Variants in COL28A1 observed in about 807,000 individuals in gnomAD.
COL28A1 encodes the protein collagen type XXVIII alpha 1 chain, also known as collagen alpha-1(XXVIII) chain.
COL28A1 carries 161 observed loss-of-function variants against 150.2 expected under a neutral mutation model. The ratio of observed to expected loss-of-function variants is 1.07; its 90% CI spans 0.94 to 1.22. COL28A1 has a LOEUF of 1.22. Among genes scored for constraint, COL28A1 ranks in the 50% most tolerant of loss-of-function variants. The pLI is 0.00. For missense variants in COL28A1, 1,617 were observed against 1,388.3 expected (o/e 1.16, Z -2.62); for synonymous variants, 552 against 469.7 (o/e 1.18, Z -2.26).
intron 27 of COL28A1, among the ~76,000 whole-genome samples, chr7:7,409,984 G>C (rs892603966): frequency 6.6e-6 from 1 of 152,162 alleles, no homozygotes; most frequent in Admixed American, 6.5e-5. Context: ...TAAGGAGATT[G>C]AAAGAGGAAA....
chr7:7,458,680 A>C (rs960215283), intron 15 of COL28A1, among the ~76,000 whole-genome samples: 55 of 152,156 alleles, frequency 3.6e-4, no homozygotes, highest in African/African-American at 1.3e-3. Context: ...TATTGTGCTT[A>C]ATGCTTTACA....
At chr7:7,537,608 G>C (rs1348330886), upstream of COL28A1, among the ~76,000 whole-genome samples, 3 of 152,212 alleles carry the variant, frequency 2.0e-5, no homozygotes, top group Non-Finnish European at 4.4e-5. Flanking sequence ...AGACCTGTGA[G>C]CCTCACTTAT....
intron 33 of COL28A1, among the ~76,000 whole-genome samples, chr7:7,360,863 G>A (rs1174203522): frequency 6.6e-6 from 1 of 152,194 alleles, no homozygotes; most frequent in African/African-American, 2.4e-5. Flanking sequence ...GCAAAGTTGA[G>A]AGGAGTTTAT....
At chr7:7,383,036 T>C (rs923937560) in intron 27 of COL28A1, among the ~76,000 whole-genome samples, 3 of 152,238 alleles carry the variant, frequency 2.0e-5, no homozygotes, top group South Asian at 2.1e-4. Flanking sequence ...TAAATTGTTA[T>C]AATGAAATAT....
In COL28A1 at chr7:7,474,635, T is replaced by G; in HGVS notation, c.1268A>C (p.Gln423Pro). ...EKGSEGPTGP[Q>P]GLQGLSIKGE... ...TTTGATTGACAGGCCTTGTAATCCCTGTGGGCCAGTTGGTCCTTCAGAACC... is the reference window on the plus strand; with the variant it reads ...TTTGATTGACAGGCCTTGTAATCCCGGTGGGCCAGTTGGTCCTTCAGAACC... Residue 423 changes from glutamine (Q) to proline (P), a missense_variant, in exon 15 of 35, where the codon CAG becomes CCG. Transcript: ENST00000399429. 7.0e-7 allele frequency: 1 copy of G among 1,432,916 alleles called. No homozygotes were observed. Among genetic ancestry groups the G allele is most frequent in the Non-Finnish European group, 9.9e-7 (1 of 1,015,036 alleles). The allele number at this position is 1,432,916 out of a possible 1,614,324, so 88.8% of individuals were successfully genotyped here. A position where few individuals can be genotyped will look rare whatever the true frequency, so the allele number is the denominator to read the frequency against.
At chr7:7,423,013 A>C (rs1444601772) in intron 25 of COL28A1, among the ~76,000 whole-genome samples, 1 of 152,260 alleles carries the variant, frequency 6.6e-6, no homozygotes, top group East Asian at 1.9e-4. Flanking sequence ...CAATCCAAAC[A>C]AACCAATTGC....
At chr7:7,391,407 A>T (rs1307136705) in intron 27 of COL28A1, among the ~76,000 whole-genome samples, 4 of 152,142 alleles carry the variant, frequency 2.6e-5, no homozygotes. Context: ...TTATGTGCTC[A>T]ATTTTAGAAT....
At chr7:7,441,523 C>CG (rs1554273433) in intron 20 of COL28A1, among the ~76,000 whole-genome samples, 2 of 87,888 alleles carry the variant, frequency 2.3e-5, no homozygotes, top group African/African-American at 4.2e-5. Flanking sequence ...GCTCAACAAA[C>CG]GAAAAAAAAA....
chr7:7,397,361 C>G (rs974042340), intron 27 of COL28A1, among the ~76,000 whole-genome samples: 1 of 152,106 alleles, frequency 6.6e-6, no homozygotes, highest in Non-Finnish European at 1.5e-5. Context: ...CAAGGCCCAC[C>G]CAGATAATCC....
chr7:7,459,768 C>T (rs944617409), intron 15 of COL28A1, among the ~76,000 whole-genome samples: 29 of 152,202 alleles, frequency 1.9e-4, no homozygotes, highest in African/African-American at 7.0e-4. Flanking sequence ...TGACCTGACC[C>T]TGGCAAGTAG....
chr7:7,510,274 T>TATTG (rs112747472), intron 9 of COL28A1, among the ~76,000 whole-genome samples: 5,534 of 152,026 alleles, frequency 0.036, 291 homozygotes, highest in African/African-American at 0.12. Flanking sequence ...GTGCTTTCAT[T>TATTG]ATTGATTGAT....
rs1420134215 is a variant in COL28A1, at chr7:7,397,687, G to A, written c.2137-16075C>T. Among the ~76,000 whole-genome samples the A allele has an allele frequency of 4.6e-5, 7 of 152,244 alleles. 1 individual carries two copies. The South Asian group carries it at 1.5e-3, about 32-fold the overall frequency. ...CGTGAGCTTCAACTATTGCTATCTG[G>A]ATTTGCTCCATAGGGATAAGTAAAA... On this transcript the variant is annotated intron_variant, in intron 27 of 34. Coordinates refer to ENST00000399429, the MANE Select transcript of COL28A1 (RefSeq NM_001037763.3).
intron 27 of COL28A1, among the ~76,000 whole-genome samples, chr7:7,382,047 T>C (rs1324460659): frequency 6.6e-6 from 1 of 152,204 alleles, no homozygotes; most frequent in Non-Finnish European, 1.5e-5. Context: ...CGGTGGCTCA[T>C]GCCTGTAATC....
chr7:7,489,514 A>C (rs931234599), intron 12 of COL28A1, 57 bp from the exon 13 acceptor site: 7 of 873,796 alleles, frequency 8.0e-6, no homozygotes, highest in Non-Finnish European at 1.4e-5. Flanking sequence ...GAATAAACAT[A>C]GCGCAAAGTT....
intron 21 of COL28A1, among the ~76,000 whole-genome samples, chr7:7,438,061 C>G (rs1785474662): frequency 6.6e-6 from 1 of 151,708 alleles, no homozygotes; most frequent in African/African-American, 2.4e-5. Flanking sequence ...ATGGCAAAAC[C>G]CCATCGCTAC....
At chr7:7,377,817 A>AG (rs1554261390) in intron 30 of COL28A1, among the ~76,000 whole-genome samples, 1 of 151,308 alleles carries the variant, frequency 6.6e-6, no homozygotes, top group South Asian at 2.1e-4. Flanking sequence ...CAAAAAAAAA[A>AG]AAAAAACCAG....
At chr7:7,454,365 T>C (rs917417553) in intron 16 of COL28A1, among the ~76,000 whole-genome samples, 1 of 152,200 alleles carries the variant, frequency 6.6e-6, no homozygotes, top group East Asian at 1.9e-4. Flanking sequence ...AGAGGTTAAA[T>C]TTAAGTAGAA....
intron 27 of COL28A1, among the ~76,000 whole-genome samples, chr7:7,388,128 C>T (rs781297644): frequency 2.0e-5 from 3 of 151,984 alleles, no homozygotes; most frequent in Non-Finnish European, 2.9e-5. Context: ...CCATCATCTA[C>T]GTTAGACATT....
chr7:7,462,818 G>A (rs961651118), intron 15 of COL28A1, among the ~76,000 whole-genome samples: 4 of 149,868 alleles, frequency 2.7e-5, no homozygotes, highest in Admixed American at 6.7e-5. Context: ...CTAAGATCAC[G>A]CCATTGCACT....
Sources: allele counts gnomAD v4.1 joint callset (sites outside exome capture counted in the v4.1 genomes callset), GRCh38; gene constraint gnomAD v4.1.1; transcripts MANE v1.5; gene names NCBI Gene and HGNC (gene_info 2026-07-23, HGNC 2026-07-21).